COX10: variants seen among roughly 807,000 people sequenced by gnomAD.
COX10 encodes the protein cytochrome c oxidase assembly factor heme A:farnesyltransferase COX10.
In COX10, 27 loss-of-function variants were observed where a neutral mutation model predicts 37.3. That is an observed-to-expected ratio of 0.72 (90% CI 0.53 to 1.00). COX10 has a LOEUF of 1.00. COX10 is among the 50% of genes least tolerant of loss of function. The probability of loss-of-function intolerance (pLI) is 0.00; values close to 1 mark genes in which losing one functional copy is unlikely to be tolerated. For missense variants in COX10, 475 were observed against 563.2 expected (o/e 0.84, Z 1.59); for synonymous variants, 222 against 229.1 (o/e 0.97, Z 0.28).
intron 5 of COX10, among the ~76,000 whole-genome samples, chr17:14,161,137 T>A (rs1196632952): frequency 6.6e-6 from 1 of 152,188 alleles, no homozygotes; most frequent in East Asian, 1.9e-4. Context: ...AAACAGCCCA[T>A]CTTACTTTGT....
intron 4 of COX10, among the ~76,000 whole-genome samples, chr17:14,117,397 A>G (rs1034345861): frequency 5.3e-5 from 8 of 152,216 alleles, no homozygotes; most frequent in African/African-American, 1.9e-4. Flanking sequence ...ATTCGGTCCT[A>G]AACTGTTAGC....
chr17:14,111,017 G>A (rs1003770813), intron 4 of COX10, among the ~76,000 whole-genome samples: 3 of 152,122 alleles, frequency 2.0e-5, no homozygotes, highest in Non-Finnish European at 4.4e-5. Flanking sequence ...ATGGACAGTA[G>A]AGCAGATGTT....
Position 14,188,138 on chromosome 17 carries a change from C to T in COX10, c.696-3851C>T, listed in dbSNP as rs558801780. 8.7e-3 allele frequency among the ~76,000 whole-genome samples: 1,026 copies of T among 117,552 alleles called. 3 individuals carry two copies. The highest frequency in any genetic ancestry group is 0.013 in the Non-Finnish European group (758 of 58,938). The allele number at this position is 117,552 out of a possible 152,430, so 77.1% of individuals were successfully genotyped here. A position where few individuals can be genotyped will look rare whatever the true frequency, so the allele number is the denominator to read the frequency against. ...TTTTTTTTTGACACAAGGGCCAATTCAGGAAAAATAAAATGTTTATCAGCC... is the reference window on the plus strand; with the variant it reads ...TTTTTTTTTGACACAAGGGCCAATTTAGGAAAAATAAAATGTTTATCAGCC... On this transcript the variant is annotated intron_variant, in intron 5 of 6. Transcript: ENST00000261643.
chr17:14,180,990 G>A (rs1597539816), intron 5 of COX10, among the ~76,000 whole-genome samples: 2 of 152,076 alleles, frequency 1.3e-5, no homozygotes, highest in African/African-American at 4.8e-5. Flanking sequence ...AAGGGGATGG[G>A]CAGCCATGGC....
intron 3 of COX10, among the ~76,000 whole-genome samples, chr17:14,078,957 A>G (rs1346144133): frequency 1.3e-5 from 2 of 152,060 alleles, no homozygotes; most frequent in Non-Finnish European, 1.5e-5. Context: ...TGCCTGTCTT[A>G]TATCCAGTCA....
chr17:14,177,028 C>A (rs1214773090), intron 5 of COX10: 2 of 380,464 alleles, frequency 5.3e-6, no homozygotes, highest in Non-Finnish European at 9.3e-6. Flanking sequence ...AGAAAAAAAT[C>A]AATGCAATGA....
intron 4 of COX10, among the ~76,000 whole-genome samples, chr17:14,153,991 C>G (rs191253076): frequency 4.3e-4 from 66 of 152,176 alleles, no homozygotes; most frequent in Non-Finnish European, 7.8e-4. Flanking sequence ...TGATGAATAT[C>G]AAAAGTTATT....
chr17:14,089,704 T>G (rs1367070061), intron 3 of COX10, among the ~76,000 whole-genome samples: 1 of 152,184 alleles, frequency 6.6e-6, no homozygotes, highest in African/African-American at 2.4e-5. Context: ...CTAGAAAACT[T>G]CACTATTTCT....
Position 14,102,131 on chromosome 17 carries a change from T to C in COX10, c.513T>C (p.Ser171=). The change falls in exon 4 of 7, where the codon AGT becomes AGC. Residue 171 remains serine (S), a synonymous_variant. Transcript: ENST00000261643. ...TCTGTATCGCAGCTCTGGTTGTAAGTACCACTGCAGCTGGATTTGCATTGG... is the reference window on the plus strand; with the variant it reads ...TCTGTATCGCAGCTCTGGTTGTAAGCACCACTGCAGCTGGATTTGCATTGG... ...SKIKLTALVV[S]TTAAGFALAP... The C allele has an allele frequency of 1.2e-6, 2 of 1,613,680 alleles. No homozygotes were observed. Among genetic ancestry groups the C allele is most frequent in the Non-Finnish European group, 1.7e-6 (2 of 1,179,716 alleles).
chr17:14,187,108 T>C (rs1051116228), intron 5 of COX10, among the ~76,000 whole-genome samples: 1 of 152,044 alleles, frequency 6.6e-6, no homozygotes, highest in Non-Finnish European at 1.5e-5. Context: ...AAGATGGTGC[T>C]CTCATATAGT....
chr17:14,123,486 A>AT (rs969557731), intron 4 of COX10, among the ~76,000 whole-genome samples: 1 of 152,134 alleles, frequency 6.6e-6, no homozygotes, highest in African/African-American at 2.4e-5. Context: ...AGAATTCAGA[A>AT]TTTTTTTCCA....
At chr17:14,082,244 C>G (rs1048832743) in intron 3 of COX10, among the ~76,000 whole-genome samples, 1 of 152,104 alleles carries the variant, frequency 6.6e-6, no homozygotes, top group African/African-American at 2.4e-5. Context: ...CCGGAAAAGA[C>G]CCTGTCACAG....
At chr17:14,106,935 A>G (rs1406139986) in intron 4 of COX10, among the ~76,000 whole-genome samples, 1 of 152,190 alleles carries the variant, frequency 6.6e-6, no homozygotes, top group African/African-American at 2.4e-5. Flanking sequence ...CAGATGTTTC[A>G]TGTTTTTACA....
At chr17:14,202,292 A>G (rs1259756473) in intron 6 of COX10, among the ~76,000 whole-genome samples, 1 of 150,006 alleles carries the variant, frequency 6.7e-6, no homozygotes, top group Non-Finnish European at 1.5e-5. Context: ...TGGTGCAGTC[A>G]TAGTTCAATG....
chr17:14,174,410 G>T (rs1217597537), intron 5 of COX10, among the ~76,000 whole-genome samples: 1 of 143,556 alleles, frequency 7.0e-6, no homozygotes, highest in Non-Finnish European at 1.5e-5. Context: ...AGTCAGCTAA[G>T]ATGATGCCAC....
chr17:14,182,482 A>C (rs144988963), intron 5 of COX10, among the ~76,000 whole-genome samples: 2 of 152,050 alleles, frequency 1.3e-5, no homozygotes, highest in Non-Finnish European at 2.9e-5. Flanking sequence ...CTGAATTTAC[A>C]TCAGTCGTCT....
At chr17:14,132,240 T>C (rs1916483554) in intron 4 of COX10, among the ~76,000 whole-genome samples, 1 of 151,934 alleles carries the variant, frequency 6.6e-6, no homozygotes, top group African/African-American at 2.4e-5. Flanking sequence ...ATTTGAGATG[T>C]AGCTTTCCAC....
At chr17:14,150,605 A>G in intron 4 of COX10, among the ~76,000 whole-genome samples, 2 of 152,202 alleles carry the variant, frequency 1.3e-5, no homozygotes, top group East Asian at 3.9e-4. Context: ...CTGTGTTCAT[A>G]GACAACTAAG....
At chr17:14,084,669 TA>T in intron 3 of COX10, among the ~76,000 whole-genome samples, 1 of 152,214 alleles carries the variant, frequency 6.6e-6, no homozygotes, top group South Asian at 2.1e-4. Context: ...CCAGGCTTTT[TA>T]TTTTTTTTGA....
Sources: allele counts gnomAD v4.1 joint callset (sites outside exome capture counted in the v4.1 genomes callset), GRCh38; gene constraint gnomAD v4.1.1; transcripts MANE v1.5; gene names NCBI Gene and HGNC (gene_info 2026-07-23, HGNC 2026-07-21).